Variants in PCCA observed in about 807,000 individuals in gnomAD.
The protein encoded by PCCA is propionyl-CoA carboxylase subunit alpha.
In PCCA, 74 loss-of-function variants were observed where a neutral mutation model predicts 101.3. The observed-to-expected ratio is 0.73, with a 90% CI of 0.61 to 0.89. The LOEUF (loss-of-function observed/expected upper bound fraction) is 0.89. Ranked by LOEUF, PCCA falls within the 40% of genes least tolerant of loss-of-function variation. The pLI is 0.00. For missense variants in PCCA, 891 were observed against 907.0 expected, an observed-to-expected ratio of 0.98 and a Z score of 0.23; for synonymous variants, 294 against 313.6, an observed-to-expected ratio of 0.94 and a Z score of 0.66.
At chr13:100,252,917 A>G (rs1339101565) in intron 8 of PCCA, among the ~76,000 whole-genome samples, 2 of 152,150 alleles carry the variant, frequency 1.3e-5, no homozygotes, top group Non-Finnish European at 2.9e-5. Context: ...AAAATGCTGT[A>G]TTAGGTACTT....
chr13:100,250,515 A>T (rs1467397609), intron 8 of PCCA, among the ~76,000 whole-genome samples: 2 of 151,916 alleles, frequency 1.3e-5, no homozygotes, highest in African/African-American at 4.8e-5. Context: ...TATTTATCTC[A>T]TCATGTTTAT....
chr13:100,392,745 A>G (rs776227643), intron 19 of PCCA, among the ~76,000 whole-genome samples: 6 of 152,240 alleles, frequency 3.9e-5, no homozygotes, highest in Non-Finnish European at 8.8e-5. Flanking sequence ...TTGTGTGAAT[A>G]ACTGATAAGT....
chr13:100,231,542 T>C (rs1279618246), intron 7 of PCCA, among the ~76,000 whole-genome samples: 2 of 152,214 alleles, frequency 1.3e-5, no homozygotes, highest in Non-Finnish European at 2.9e-5. Flanking sequence ...CTAGTTTGTT[T>C]TGATAACATT....
At chr13:100,210,848 A>C (rs1236780360) in intron 7 of PCCA, among the ~76,000 whole-genome samples, 1 of 152,208 alleles carries the variant, frequency 6.6e-6, no homozygotes, top group Non-Finnish European at 1.5e-5. Context: ...CCCCTAGTTA[A>C]TAAATATCCT....
chr13:100,499,238 T>C (rs1428006167), intron 21 of PCCA, among the ~76,000 whole-genome samples: 1 of 152,210 alleles, frequency 6.6e-6, no homozygotes, highest in African/African-American at 2.4e-5. Context: ...AGACTTCTCC[T>C]TTGTCAGCAT....
intron 6 of PCCA, among the ~76,000 whole-genome samples, chr13:100,178,963 G>A (rs2056509500): frequency 6.6e-6 from 1 of 151,490 alleles, no homozygotes; most frequent in African/African-American, 2.4e-5. Context: ...TGTAATCCCA[G>A]CTACTCGGGA....
chr13:100,167,220 A>G (rs1566621219), intron 6 of PCCA, among the ~76,000 whole-genome samples: 1 of 151,444 alleles, frequency 6.6e-6, no homozygotes, highest in African/African-American at 2.4e-5. Context: ...CAGGTTATTA[A>G]TTTTTTTTTC....
chr13:100,111,731 T>G, intron 2 of PCCA, 110 bp from the exon 3 acceptor site: 1 of 695,838 alleles, frequency 1.4e-6, no homozygotes, highest in East Asian at 2.7e-5. Flanking sequence ...GAAGTAATGT[T>G]TATTAGGGTT....
At chr13:100,381,574 T>C (rs1486223759) in intron 19 of PCCA, among the ~76,000 whole-genome samples, 2 of 152,232 alleles carry the variant, frequency 1.3e-5, no homozygotes, top group Admixed American at 6.5e-5. Context: ...CTTGAATATT[T>C]ATATAAGTAT....
intron 20 of PCCA, among the ~76,000 whole-genome samples, chr13:100,438,983 A>G (rs2080147205): frequency 6.6e-6 from 1 of 152,164 alleles, no homozygotes; most frequent in African/African-American, 2.4e-5. Context: ...CTACCAAAAC[A>G]ATGGAGTTGG....
intron 15 of PCCA, among the ~76,000 whole-genome samples, chr13:100,309,549 T>G (rs1175852815): frequency 2.6e-5 from 4 of 152,190 alleles, no homozygotes; most frequent in African/African-American, 7.2e-5. Context: ...TAGCTGTATC[T>G]CCTTTTAAAT....
chr13:100,169,980 A>G (rs2011329), intron 6 of PCCA, among the ~76,000 whole-genome samples: 119,489 of 152,134 alleles, frequency 0.79, 47,117 homozygotes, highest in East Asian at 0.99. Context: ...GATTATAGGC[A>G]TGAGCCACCA....
At chr13:100,452,788 C>T (rs1471751724) in intron 21 of PCCA, among the ~76,000 whole-genome samples, 1 of 152,208 alleles carries the variant, frequency 6.6e-6, no homozygotes, top group Non-Finnish European at 1.5e-5. Flanking sequence ...GCTCAGCGTG[C>T]TCTGCCCAGT....
intron 10 of PCCA, among the ~76,000 whole-genome samples, chr13:100,267,678 A>T (rs1179821188): frequency 6.6e-6 from 1 of 152,194 alleles, no homozygotes. Flanking sequence ...CTGAAAATAG[A>T]TTGGTCCGTT....
intron 11 of PCCA, among the ~76,000 whole-genome samples, chr13:100,272,312 G>A (rs1485797063): frequency 1.3e-5 from 2 of 152,254 alleles, no homozygotes; most frequent in East Asian, 3.9e-4. Context: ...GTTCCTGCGA[G>A]CCTTTGCTTA....
chr13:100,165,645 C>T (rs535530499), intron 6 of PCCA, among the ~76,000 whole-genome samples: 83 of 152,226 alleles, frequency 5.5e-4, no homozygotes, highest in African/African-American at 2.0e-3. Flanking sequence ...TTCCTCTACT[C>T]ATCTATCAAT....
chr13:100,376,932 G>A (rs1410793886), intron 19 of PCCA, among the ~76,000 whole-genome samples: 1 of 152,210 alleles, frequency 6.6e-6, no homozygotes, highest in East Asian at 1.9e-4. Context: ...GGCCCTGGTG[G>A]TGTAGGCTTC....
intron 21 of PCCA, chr13:100,480,882 T>G (rs1298125744): frequency 1.3e-5 from 2 of 152,218 alleles, no homozygotes; most frequent in African/African-American, 2.4e-5. Flanking sequence ...AAGGGAAGTG[T>G]ACTGTACAGT....
At chr13:100,381,891 G>A (rs1210110414) in intron 19 of PCCA, among the ~76,000 whole-genome samples, 1 of 152,238 alleles carries the variant, frequency 6.6e-6, no homozygotes, top group Non-Finnish European at 1.5e-5. Flanking sequence ...ACCAGAGCAA[G>A]TGCTTTTGGG....
Sources: gnomAD v4.1 joint callset for allele counts (sites outside exome capture counted in the v4.1 genomes callset) on GRCh38, gnomAD v4.1.1 for gene constraint, MANE v1.5 for transcripts, NCBI Gene and HGNC (gene_info 2026-07-23, HGNC 2026-07-21) for gene names.